Variants in PEBP4 observed in about 807,000 individuals in gnomAD.
PEBP4 encodes phosphatidylethanolamine-binding protein 4.
Under a neutral mutation model 23.9 loss-of-function variants are expected in PEBP4, and 22 were observed. The observed-to-expected ratio is 0.92, with a 90% confidence interval of 0.66 to 1.31. The LOEUF (loss-of-function observed/expected upper bound fraction) is 1.31, where lower values mean the gene tolerates loss of function less well. Among genes scored for constraint, PEBP4 ranks in the 40% most tolerant of loss-of-function variants. The pLI is 0.00. For missense variants in PEBP4, 324 were observed against 281.7 expected, an observed-to-expected ratio of 1.15 and a Z score of -1.07; for synonymous variants, 112 against 99.3, an observed-to-expected ratio of 1.13 and a Z score of -0.76.
At chr8:22,723,289 C>T (rs1804556418) in intron 6 of PEBP4, among the ~76,000 whole-genome samples, 1 of 152,168 alleles carries the variant, frequency 6.6e-6, no homozygotes, top group African/African-American at 2.4e-5. Context: ...ACTGTGGTTT[C>T]TGGAGGACAG....
chr8:22,867,843 G>A (rs1443773110), intron 3 of PEBP4, among the ~76,000 whole-genome samples: 1 of 152,234 alleles, frequency 6.6e-6, no homozygotes, highest in Non-Finnish European at 1.5e-5. Context: ...GCAGTTGACT[G>A]GATTTCAGGG....
chr8:22,915,450 C>A (rs1315290909), intron 3 of PEBP4, among the ~76,000 whole-genome samples: 1 of 151,860 alleles, frequency 6.6e-6, no homozygotes, highest in East Asian at 1.9e-4. Flanking sequence ...CCATCTGTCC[C>A]TTGCTGGGTC....
intron 3 of PEBP4, among the ~76,000 whole-genome samples, chr8:22,819,888 G>C (rs1312791678): frequency 6.6e-6 from 1 of 152,166 alleles, no homozygotes; most frequent in Non-Finnish European, 1.5e-5. Context: ...TTACAGGCGT[G>C]AGCCACCGCG....
chr8:22,874,700 G>A (rs1206313404), intron 3 of PEBP4, among the ~76,000 whole-genome samples: 1 of 152,176 alleles, frequency 6.6e-6, no homozygotes, highest in East Asian at 1.9e-4. Context: ...TGTAAATGCA[G>A]TGCTTTCTTA....
chr8:22,834,234 G>A lies in PEBP4; in HGVS notation c.259-16499C>T, dbSNP rs116682034. The stretch of plus-strand genomic sequence containing the variant: ...GTTGTGTTTGAGCCTCCCCCACCAA[G>A]TTCTGTATGGGAAATCTAGTTAAGA... On this transcript the variant is annotated intron_variant, in intron 3 of 6. Coordinates refer to ENST00000256404, the MANE Select transcript of PEBP4 (RefSeq NM_144962.3). 7.3e-3 allele frequency among the ~76,000 whole-genome samples: 1,105 copies of A among 152,340 alleles called. 7 individuals carry two copies. The highest frequency in any genetic ancestry group is 0.025 in the African/African-American group (1,042 of 41,572).
chr8:22,741,500 T>C (rs1804994596), intron 4 of PEBP4, among the ~76,000 whole-genome samples: 1 of 152,164 alleles, frequency 6.6e-6, no homozygotes, highest in African/African-American at 2.4e-5. Flanking sequence ...GAGCCTGTGC[T>C]CAGTGAACTC....
chr8:22,915,025 C>T (rs1809043102), intron 3 of PEBP4, among the ~76,000 whole-genome samples: 1 of 152,100 alleles, frequency 6.6e-6, no homozygotes, highest in Admixed American at 6.5e-5. Flanking sequence ...GTTACCCACT[C>T]GCCTGCTCAT....
At chr8:22,786,431 C>T (rs534549986) in intron 4 of PEBP4, among the ~76,000 whole-genome samples, 40 of 152,112 alleles carry the variant, frequency 2.6e-4, no homozygotes, top group African/African-American at 8.4e-4. Flanking sequence ...TACAGTTGCA[C>T]GCCACCATGT....
At chr8:22,878,732 G>T (rs1002223912) in intron 3 of PEBP4, among the ~76,000 whole-genome samples, 1 of 152,210 alleles carries the variant, frequency 6.6e-6, no homozygotes, top group African/African-American at 2.4e-5. Context: ...CAGAGAGGAG[G>T]CTTGGAGCTC....
chr8:22,776,353 A>G (rs1199703366), intron 4 of PEBP4, among the ~76,000 whole-genome samples: 2 of 152,148 alleles, frequency 1.3e-5, no homozygotes, highest in Non-Finnish European at 2.9e-5. Flanking sequence ...AGGCCAATGT[A>G]TGTTGACGCT....
chr8:22,781,613 C>T (rs191208915), intron 4 of PEBP4, among the ~76,000 whole-genome samples: 2 of 152,262 alleles, frequency 1.3e-5, no homozygotes, highest in East Asian at 3.9e-4. Flanking sequence ...TTCCCTCCCC[C>T]TGTACCCAGG....
intron 2 of PEBP4, among the ~76,000 whole-genome samples, chr8:22,923,678 A>T (rs6991038): frequency 0.014 from 2,152 of 152,170 alleles, 52 homozygotes; most frequent in African/African-American, 0.049. Flanking sequence ...CTCAAAATTT[A>T]TATGTTGGAA....
At chr8:22,722,761 G>A (rs1160795460) in intron 6 of PEBP4, among the ~76,000 whole-genome samples, 2 of 138,442 alleles carry the variant, frequency 1.4e-5, no homozygotes, top group African/African-American at 5.8e-5. Flanking sequence ...GCTTTCATCT[G>A]GGAGGGCCAT....
intron 3 of PEBP4, among the ~76,000 whole-genome samples, chr8:22,836,731 T>C (rs1358634290): frequency 3.9e-5 from 6 of 152,224 alleles, no homozygotes; most frequent in Non-Finnish European, 8.8e-5. Context: ...TCACTGCAAC[T>C]TTTTTGTCTT....
chr8:22,743,061 G>A (rs1805031396), intron 4 of PEBP4, among the ~76,000 whole-genome samples: 1 of 152,162 alleles, frequency 6.6e-6, no homozygotes, highest in African/African-American at 2.4e-5. Flanking sequence ...GTGTGCTGGG[G>A]AGCCAATGCT....
chr8:22,813,482 TAA>T (rs1266397063), intron 4 of PEBP4, among the ~76,000 whole-genome samples: 1 of 152,152 alleles, frequency 6.6e-6, no homozygotes, highest in Non-Finnish European at 1.5e-5. Context: ...CCATTAACAA[TAA>T]AAAGTCTAAT....
chr8:22,930,048 T>C (rs1312957572), upstream of PEBP4, among the ~76,000 whole-genome samples: 1 of 152,220 alleles, frequency 6.6e-6, no homozygotes, highest in Admixed American at 6.5e-5. Context: ...ACTCTGTAGC[T>C]GCTCCATTGC....
rs997072575 is a variant in PEBP4, at chr8:22,823,543, C to CTA, written c.259-5810_259-5809dup. Among the ~76,000 whole-genome samples the CTA allele has an allele frequency of 5.9e-4, 89 of 150,796 alleles. 2 individuals carry two copies. The South Asian group carries it at 0.014, about 24-fold the overall frequency. The stretch of plus-strand genomic sequence containing the variant: ...GTGCAGGAAAACTTTATATATCTAA[C>CTA]TATATATATATATCTTTATAGATAT... On this transcript the variant is annotated intron_variant, in intron 3 of 6. Transcript: ENST00000256404.
chr8:22,761,047 G>A (rs530843174), intron 4 of PEBP4, among the ~76,000 whole-genome samples: 161 of 152,268 alleles, frequency 1.1e-3, no homozygotes, highest in Non-Finnish European at 1.7e-3. Context: ...GGGGAGGCGG[G>A]CATCAGATCT....
Sources: allele counts gnomAD v4.1 joint callset (sites outside exome capture counted in the v4.1 genomes callset), GRCh38; gene constraint gnomAD v4.1.1; transcripts MANE v1.5; gene names NCBI Gene and HGNC (gene_info 2026-07-23, HGNC 2026-07-21).